Variants in SCP2 observed in about 807,000 individuals in gnomAD.
The protein encoded by SCP2 is SCP-2/3-oxoacyl-CoA thiolase.
SCP2 carries 48 observed loss-of-function variants against 71.4 expected under a neutral mutation model. The observed-to-expected ratio is 0.67, with a 90% CI of 0.53 to 0.86. The LOEUF is 0.86. Among genes scored for constraint, SCP2 ranks in the 40% least tolerant of loss-of-function variants. SCP2 has a pLI of 0.00. For missense variants in SCP2, 560 were observed against 655.6 expected (o/e 0.85, Z 1.59); for synonymous variants, 220 against 218.1 (o/e 1.01, Z -0.08).
intron 13 of SCP2, among the ~76,000 whole-genome samples, chr1:53,029,260 C>G (rs897432186): frequency 2.0e-5 from 3 of 146,372 alleles, no homozygotes; most frequent in African/African-American, 7.8e-5. Context: ...CTTGGGATCT[C>G]TTTCTGTTTT....
chr1:52,988,568 C>A (rs76297549), intron 11 of SCP2, among the ~76,000 whole-genome samples: 2,068 of 152,088 alleles, frequency 0.014, 21 homozygotes, highest in Non-Finnish European at 0.022. Context: ...CAGTCAATCA[C>A]TTTAACTTTT....
chr1:52,977,235 G>T (rs969391540), intron 8 of SCP2, among the ~76,000 whole-genome samples: 4 of 152,208 alleles, frequency 2.6e-5, no homozygotes, highest in African/African-American at 9.6e-5. Flanking sequence ...AATTGAGTGA[G>T]TACTGCTTAG....
intron 1 of SCP2, among the ~76,000 whole-genome samples, chr1:52,935,946 A>G (rs895900022): frequency 2.0e-5 from 3 of 152,168 alleles, no homozygotes; most frequent in Non-Finnish European, 4.4e-5. Context: ...TTGAAAAAAA[A>G]AAAGAATATC....
intron 11 of SCP2, among the ~76,000 whole-genome samples, chr1:53,014,472 A>G (rs1661198010): frequency 6.6e-6 from 1 of 151,994 alleles, no homozygotes; most frequent in African/African-American, 2.4e-5. Context: ...ATAGGTCTGG[A>G]AAACAACTCA....
At position 52,995,701 on chromosome 1, in the gene SCP2, C is replaced by T. The variant is rs921656818; in HGVS notation, c.1081+7565C>T. 4.0e-6 allele frequency: 3 copies of T among 749,394 alleles called. No individual in the cohort carries two copies. In the African/African-American group the frequency reaches 5.1e-5, roughly 13 times the overall value. The allele number at this position is 749,394 out of a possible 1,614,324, so 46.4% of individuals were successfully genotyped here. The stretch of plus-strand genomic sequence containing the variant: ...AGTTGCTCAACGTGCAGAACCAGAA[C>T]AGCAGCTACTTTGTGGAGTGGATCC... On this transcript the variant is annotated intron_variant, in intron 11 of 15. Transcript: ENST00000371514.
intron 2 of SCP2, among the ~76,000 whole-genome samples, chr1:52,942,856 C>A (rs1342178426): frequency 6.6e-6 from 1 of 151,434 alleles, no homozygotes; most frequent in African/African-American, 2.4e-5. Flanking sequence ...CACACCTCCA[C>A]GCCAGGCTAA....
At chr1:53,027,806 A>G (rs1228058510) in intron 12 of SCP2, among the ~76,000 whole-genome samples, 163 bp from the exon 13 acceptor site, 1 of 152,206 alleles carries the variant, frequency 6.6e-6, no homozygotes. Flanking sequence ...GCGCCCGGCC[A>G]AGCTTAATTA....
At chr1:52,975,562 C>T (rs1230524929) in intron 7 of SCP2, among the ~76,000 whole-genome samples, 1 of 152,152 alleles carries the variant, frequency 6.6e-6, no homozygotes, top group Non-Finnish European at 1.5e-5. Flanking sequence ...CTGCCTTGGC[C>T]TCCCAAAGTG....
At chr1:52,957,681 C>A (rs749402872) in intron 5 of SCP2, among the ~76,000 whole-genome samples, 2 of 152,220 alleles carry the variant, frequency 1.3e-5, no homozygotes, top group Non-Finnish European at 2.9e-5. Context: ...CAAAGTCCAG[C>A]TTTTCAATTC....
chr1:52,991,060 A>G (rs954942639), intron 11 of SCP2, among the ~76,000 whole-genome samples: 9 of 152,180 alleles, frequency 5.9e-5, no homozygotes, highest in Non-Finnish European at 1.0e-4. Context: ...AGTGATATAT[A>G]TGTAAGGGAT....
intron 1 of SCP2, among the ~76,000 whole-genome samples, chr1:52,933,703 G>A (rs112900858): frequency 0.034 from 5,213 of 152,180 alleles, 304 homozygotes; most frequent in African/African-American, 0.12. Context: ...CATCATTTTT[G>A]ACAGCTGCCA....
rs546945271 is a variant in SCP2 at position 52,948,652 on chromosome 1, G to C, written c.199+572G>C. On this transcript the variant is annotated intron_variant, in intron 3 of 15. Transcript: ENST00000371514. Reference sequence around the variant, plus strand: ...AAAAAAAAAAAAAAAAAAGCATACTGTTTCATTGAATAAATGTATTATAAT... The same window carrying C: ...AAAAAAAAAAAAAAAAAAGCATACTCTTTCATTGAATAAATGTATTATAAT... 1.0e-4 allele frequency among the ~76,000 whole-genome samples: 15 copies of C among 146,590 alleles called. No homozygotes were observed. In the East Asian group the frequency reaches 2.6e-3, roughly 25 times the overall value.
At chr1:52,954,051 C>T (rs954803713) in intron 4 of SCP2, among the ~76,000 whole-genome samples, 3 of 150,470 alleles carry the variant, frequency 2.0e-5, no homozygotes, top group Admixed American at 1.3e-4. Context: ...GTGGCTCATG[C>T]CTGTAATCCT....
rs116807260 is a variant in SCP2, at chr1:53,016,620, C to T, written c.1235+1577C>T. Among the ~76,000 whole-genome samples, 949 of 152,172 alleles carry T rather than the reference C, an allele frequency of 6.2e-3. 16 individuals are homozygous for T. The highest frequency in any genetic ancestry group is 0.022 in the African/African-American group (912 of 41,502). On this transcript the variant is annotated intron_variant, in intron 12 of 15. Coordinates refer to ENST00000371514, the MANE Select transcript of SCP2 (RefSeq NM_002979.5). ...GCCCAACAGAAGTATAGGGGAAGGG[C>T]ATTCCAAGTCTGTACAATAGGTATA...
At chr1:52,954,366 G>C (rs1435911694) in intron 4 of SCP2, among the ~76,000 whole-genome samples, 4 of 151,530 alleles carry the variant, frequency 2.6e-5, no homozygotes, top group Non-Finnish European at 5.9e-5. Flanking sequence ...AACCTTTGTG[G>C]GGTTATAGTA....
chr1:52,986,844 A>G (rs989000029), intron 10 of SCP2, among the ~76,000 whole-genome samples: 1 of 151,898 alleles, frequency 6.6e-6, no homozygotes, highest in Admixed American at 6.6e-5. Context: ...ATTTTTGCAT[A>G]TAACCTATGC....
intron 7 of SCP2, 36 bp from the exon 8 acceptor site, chr1:52,976,647 C>G (rs1657994923): frequency 9.5e-7 from 1 of 1,049,658 alleles, no homozygotes. Context: ...CAGTTGCTAT[C>G]TCACATTCTG....
intron 11 of SCP2, among the ~76,000 whole-genome samples, chr1:53,008,157 AG>A (rs1276867754): frequency 1.3e-5 from 2 of 152,204 alleles, no homozygotes; most frequent in Non-Finnish European, 2.9e-5. Flanking sequence ...AACCAAAAAA[AG>A]TCCAGGACCA....
At chr1:53,016,261 G>T (rs1661333132) in intron 12 of SCP2, among the ~76,000 whole-genome samples, 1 of 151,902 alleles carries the variant, frequency 6.6e-6, no homozygotes, top group East Asian at 1.9e-4. Context: ...ATCTCTTTTT[G>T]AATATCCACA....
Sources: allele counts gnomAD v4.1 joint callset (sites outside exome capture counted in the v4.1 genomes callset), GRCh38; gene constraint gnomAD v4.1.1; transcripts MANE v1.5; gene names NCBI Gene and HGNC (gene_info 2026-07-23, HGNC 2026-07-21).